The following WDR70 variants were observed in gnomAD, a reference collection of about 807,000 sequenced individuals.
WDR70 encodes WD repeat domain 70.
WDR70 carries 53 observed loss-of-function variants against 88.6 expected under a neutral mutation model. The ratio of observed to expected loss-of-function variants is 0.60; its 90% CI spans 0.48 to 0.75. The LOEUF (loss-of-function observed/expected upper bound fraction) is 0.75, where lower values mean the gene tolerates loss of function less well. Ranked by LOEUF, WDR70 falls within the 30% of genes least tolerant of loss-of-function variation. The probability of loss-of-function intolerance (pLI) is 0.00; values close to 1 mark genes in which losing one functional copy is unlikely to be tolerated. For missense variants in WDR70, 610 were observed against 823.2 expected (o/e 0.74, Z 3.17); for synonymous variants, 280 against 270.0 (o/e 1.04, Z -0.36).
chr5:37,388,599 G>T (rs1283694298), intron 3 of WDR70, among the ~76,000 whole-genome samples: 1 of 150,176 alleles, frequency 6.7e-6, no homozygotes, highest in Non-Finnish European at 1.5e-5. Context: ...AATTAGGTGG[G>T]CATGGTGACT....
At chr5:37,410,256 C>G (rs1206717370) in intron 5 of WDR70, among the ~76,000 whole-genome samples, 1 of 137,686 alleles carries the variant, frequency 7.3e-6, no homozygotes, top group African/African-American at 2.8e-5. Flanking sequence ...CAAGGCTGGT[C>G]TCGAACTCCT....
intron 8 of WDR70, among the ~76,000 whole-genome samples, chr5:37,487,621 ATATGTAT>A (rs1242859037): frequency 0.24 from 8,801 of 37,256 alleles, 340 homozygotes; most frequent in South Asian, 0.42. Context: ...ATATATATAT[ATATGTAT>A]TTTTTTTTTT....
intron 10 of WDR70, among the ~76,000 whole-genome samples, chr5:37,653,844 G>A (rs1745476841): frequency 6.6e-6 from 1 of 151,692 alleles, no homozygotes; most frequent in East Asian, 1.9e-4. Flanking sequence ...TTCTTTATTA[G>A]TCTAGCTAGT....
chr5:37,674,180 C>T (rs1053102602), intron 10 of WDR70, among the ~76,000 whole-genome samples: 12 of 151,846 alleles, frequency 7.9e-5, no homozygotes, highest in South Asian at 2.1e-4. Context: ...TGTAAGTCTT[C>T]GAGGAATTGC....
chr5:37,722,977 C>T (rs1205486547), intron 15 of WDR70, 43 bp downstream of exon 15: 1 of 1,604,050 alleles, frequency 6.2e-7, no homozygotes, highest in Non-Finnish European at 8.5e-7. Flanking sequence ...CTCTCTTCTA[C>T]TCTCATGTGG....
chr5:37,637,327 A>AAAAT (rs1320661228), intron 10 of WDR70, among the ~76,000 whole-genome samples: 1 of 137,080 alleles, frequency 7.3e-6, no homozygotes, highest in Non-Finnish European at 1.5e-5. Context: ...TCTGTCTCAA[A>AAAAT]AAATAAATAA....
At chr5:37,557,955 G>C (rs1742349967) in intron 9 of WDR70, among the ~76,000 whole-genome samples, 1 of 146,040 alleles carries the variant, frequency 6.8e-6, no homozygotes, top group Non-Finnish European at 1.5e-5. Context: ...CTTCAAAAGA[G>C]TATTATGTAT....
intron 9 of WDR70, among the ~76,000 whole-genome samples, chr5:37,575,307 T>G (rs1743021178): frequency 6.6e-6 from 1 of 152,196 alleles, no homozygotes; most frequent in Non-Finnish European, 1.5e-5. Context: ...GGTGATGGGA[T>G]GATGGCGCAC....
At chr5:37,622,683 T>A (rs1352446539) in intron 10 of WDR70, among the ~76,000 whole-genome samples, 5 of 151,952 alleles carry the variant, frequency 3.3e-5, no homozygotes, top group African/African-American at 1.2e-4. Context: ...TAGGTGGGAA[T>A]TGAACAGTGA....
intron 10 of WDR70, among the ~76,000 whole-genome samples, chr5:37,649,729 A>ACTT (rs202030100): frequency 0.017 from 1,364 of 80,176 alleles, 94 homozygotes; most frequent in African/African-American, 0.033. Context: ...CGATGTTATT[A>ACTT]CTTCTTTTTT....
intron 4 of WDR70, among the ~76,000 whole-genome samples, chr5:37,393,298 C>A (rs539517285): frequency 5.9e-5 from 9 of 152,256 alleles, no homozygotes; most frequent in African/African-American, 2.2e-4. Context: ...CCTTGGCCTC[C>A]CAAAGTGCTG....
intron 9 of WDR70, among the ~76,000 whole-genome samples, chr5:37,527,678 C>T (rs1249278735): frequency 6.6e-6 from 1 of 152,078 alleles, no homozygotes; most frequent in Non-Finnish European, 1.5e-5. Context: ...AAGAAACTAC[C>T]ATCAGAGTGA....
intron 17 of WDR70, among the ~76,000 whole-genome samples, chr5:37,751,297 G>C (rs943175493): frequency 2.0e-5 from 3 of 152,228 alleles, no homozygotes; most frequent in African/African-American, 4.8e-5. Context: ...TTTAAGAGCT[G>C]TGACCTGTTT....
intron 9 of WDR70, among the ~76,000 whole-genome samples, chr5:37,592,220 A>C (rs1306646559): frequency 6.6e-6 from 1 of 152,216 alleles, no homozygotes; most frequent in African/African-American, 2.4e-5. Context: ...CATTATACAC[A>C]TAGCCTGAAG....
rs555612371 is a variant in WDR70, at chr5:37,654,337, A to G, written c.1093-43318A>G. Among the ~76,000 whole-genome samples, 12 of 152,216 alleles carry G rather than the reference A, an allele frequency of 7.9e-5. No individual in the cohort carries two copies. The East Asian group carries it at 1.5e-3, about 20-fold the overall frequency. On this transcript the variant is annotated intron_variant, in intron 10 of 17. Coordinates refer to ENST00000265107, the MANE Select transcript of WDR70 (RefSeq NM_018034.4). ...TTTGTCATGATTTCTGTTCTTTTGC[A>G]TTTGCTGAGGAGTGTTTTACTCCAG...
chr5:37,692,257 G>A (rs1349133715), intron 10 of WDR70, among the ~76,000 whole-genome samples: 3 of 152,080 alleles, frequency 2.0e-5, no homozygotes, highest in Non-Finnish European at 2.9e-5. Flanking sequence ...TGCAGGACCA[G>A]ATGGATTCAC....
intron 5 of WDR70, among the ~76,000 whole-genome samples, chr5:37,412,441 A>G (rs991685496): frequency 1.3e-5 from 2 of 152,110 alleles, no homozygotes; most frequent in African/African-American, 4.8e-5. Flanking sequence ...TTACTTGTTC[A>G]TGATTCTAAT....
intron 10 of WDR70, among the ~76,000 whole-genome samples, chr5:37,680,552 A>T (rs915859335): frequency 6.6e-6 from 1 of 152,198 alleles, no homozygotes; most frequent in Non-Finnish European, 1.5e-5. Context: ...TAAGTCTTCA[A>T]TCCATCTTGT....
chr5:37,709,303 T>C (rs1191365591), intron 13 of WDR70, among the ~76,000 whole-genome samples: 2 of 152,232 alleles, frequency 1.3e-5, no homozygotes, highest in Non-Finnish European at 2.9e-5. Flanking sequence ...TTATGTATTA[T>C]TTTGAATAAC....
Sources: gnomAD v4.1 joint callset for allele counts (sites outside exome capture counted in the v4.1 genomes callset) on GRCh38, gnomAD v4.1.1 for gene constraint, MANE v1.5 for transcripts, NCBI Gene and HGNC (gene_info 2026-07-23, HGNC 2026-07-21) for gene names.